The following MEIKIN variants were observed in gnomAD, a reference collection of about 807,000 sequenced individuals.
MEIKIN encodes meiotic kinetochore factor.
chr5:131,881,642 C>G (rs528976940), intron 8 of MEIKIN, among the ~76,000 whole-genome samples: 1 of 152,046 alleles, frequency 6.6e-6, no homozygotes, highest in African/African-American at 2.4e-5. Context: ...AGCTAATAAG[C>G]CTTTCAGTTT....
chr5:131,898,540 TA>T (rs1163884154), intron 8 of MEIKIN, among the ~76,000 whole-genome samples: 1 of 152,228 alleles, frequency 6.6e-6, no homozygotes, highest in Non-Finnish European at 1.5e-5. Flanking sequence ...AGGTGGAGTC[TA>T]TAGACGCAGT....
chr5:131,816,761 TAGAA>T (rs778984657), intron 12 of MEIKIN, among the ~76,000 whole-genome samples: 2 of 152,332 alleles, frequency 1.3e-5, no homozygotes, highest in South Asian at 2.1e-4. Flanking sequence ...GAGATAGAGA[TAGAA>T]AGAAGTCAAT....
chr5:131,856,781 G>T (rs902129070), intron 9 of MEIKIN, among the ~76,000 whole-genome samples: 1 of 151,060 alleles, frequency 6.6e-6, no homozygotes, highest in Non-Finnish European at 1.5e-5. Flanking sequence ...TCTTAGATTT[G>T]TTAAAATATA....
chr5:131,887,041 C>G (rs1042565416), intron 8 of MEIKIN, among the ~76,000 whole-genome samples: 1 of 145,764 alleles, frequency 6.9e-6, no homozygotes, highest in Non-Finnish European at 1.5e-5. Flanking sequence ...TCCAAGTGTT[C>G]TCATTGTTCA....
At chr5:131,813,147 C>T (rs940006169) in intron 12 of MEIKIN, among the ~76,000 whole-genome samples, 9 of 152,182 alleles carry the variant, frequency 5.9e-5, no homozygotes, top group African/African-American at 2.2e-4. Flanking sequence ...CCCACCCTGG[C>T]TACATTACCT....
intron 8 of MEIKIN, among the ~76,000 whole-genome samples, chr5:131,896,293 C>T (rs189107086): frequency 1.9e-4 from 29 of 152,220 alleles, no homozygotes; most frequent in African/African-American, 6.3e-4. Flanking sequence ...CTGAGGAGTG[C>T]TTTACTTCCA....
chr5:131,850,017 C>T (rs780221141), intron 11 of MEIKIN, among the ~76,000 whole-genome samples: 1 of 149,852 alleles, frequency 6.7e-6, no homozygotes, highest in South Asian at 2.1e-4. Context: ...AATTTCTACA[C>T]ACTAACATAA....
intron 9 of MEIKIN, among the ~76,000 whole-genome samples, chr5:131,873,555 C>T: frequency 6.6e-6 from 1 of 152,132 alleles, no homozygotes; most frequent in East Asian, 1.9e-4. Flanking sequence ...TAATGGGAGA[C>T]TTTAACACCC....
chr5:131,836,464 A>G (rs747760719), intron 11 of MEIKIN, among the ~76,000 whole-genome samples: 7 of 152,218 alleles, frequency 4.6e-5, no homozygotes, highest in Non-Finnish European at 1.0e-4. Context: ...CTGTTCAAGA[A>G]ATTGCCATAA....
rs186671373 is a variant in MEIKIN, at chr5:131,850,477, A to G, written c.975+787T>C. Among the ~76,000 whole-genome samples, 3 of 152,350 alleles carry G rather than the reference A, an allele frequency of 2.0e-5. No individual in the cohort carries two copies. The East Asian group carries it at 5.8e-4, about 29-fold the overall frequency. On this transcript the variant is annotated intron_variant, in intron 11 of 12. Coordinates refer to ENST00000442687, the MANE Select transcript of MEIKIN (RefSeq NM_001303622.2). The stretch of plus-strand genomic sequence containing the variant: ...AAAGCCATATGGTACTAACATAAAG[A>G]CAGACATATAGATCAATGGAATAGA...
chr5:131,860,754 CTT>C (rs35117395), intron 9 of MEIKIN, among the ~76,000 whole-genome samples: 9 of 50,978 alleles, frequency 1.8e-4, no homozygotes, highest in Non-Finnish European at 2.2e-4. Flanking sequence ...GCCTGTTTGG[CTT>C]TTTTTTTTTT....
chr5:131,871,392 G>A (rs761251513), intron 9 of MEIKIN, among the ~76,000 whole-genome samples: 8 of 152,172 alleles, frequency 5.3e-5, no homozygotes, highest in Non-Finnish European at 1.2e-4. Context: ...CCAGAGTCTC[G>A]CTCATTGCTA....
chr5:131,838,284 T>C (rs2149609843), intron 11 of MEIKIN, among the ~76,000 whole-genome samples: 1 of 152,306 alleles, frequency 6.6e-6, no homozygotes, highest in South Asian at 2.1e-4. Flanking sequence ...TTTGCATCAA[T>C]GTTCATCAAG....
intron 8 of MEIKIN, among the ~76,000 whole-genome samples, chr5:131,885,349 G>GAGAGAGAGAGAGAGAA (rs1750766566): frequency 3.5e-4 from 1 of 2,896 alleles, no homozygotes; most frequent in Non-Finnish European, 1.1e-3. Context: ...GAAAGAGAGA[G>GAGAGAGAGAGAGAGAA]AGAGAGAGAG....
intron 9 of MEIKIN, among the ~76,000 whole-genome samples, chr5:131,868,747 T>C (rs1362401057): frequency 1.3e-5 from 2 of 151,982 alleles, no homozygotes; most frequent in African/African-American, 4.8e-5. Context: ...TTGCCCAGGC[T>C]TGTCTCAAAT....
chr5:131,926,455 T>C (rs1209057749), intron 5 of MEIKIN, among the ~76,000 whole-genome samples: 1 of 152,166 alleles, frequency 6.6e-6, no homozygotes, highest in Non-Finnish European at 1.5e-5. Flanking sequence ...TTGTTGAGGA[T>C]TTTTACATCT....
chr5:131,866,262 T>C (rs2149621985), intron 9 of MEIKIN, among the ~76,000 whole-genome samples: 1 of 152,328 alleles, frequency 6.6e-6, no homozygotes, highest in Non-Finnish European at 1.5e-5. Context: ...TGATTGAGCC[T>C]GATCTCAGAC....
intron 11 of MEIKIN, among the ~76,000 whole-genome samples, chr5:131,841,011 T>G (rs542002975): frequency 6.6e-6 from 1 of 152,330 alleles, no homozygotes; most frequent in South Asian, 2.1e-4. Context: ...TTGCTGTTCT[T>G]CAGATTTTTT....
chr5:131,842,776 C>A (rs1353531007), intron 11 of MEIKIN, among the ~76,000 whole-genome samples: 1 of 152,166 alleles, frequency 6.6e-6, no homozygotes, highest in Non-Finnish European at 1.5e-5. Context: ...TTTTACTCCA[C>A]CCTTCCACAT....
Sources: gnomAD v4.1 joint callset for allele counts (sites outside exome capture counted in the v4.1 genomes callset) on GRCh38, gnomAD v4.1.1 for gene constraint, MANE v1.5 for transcripts, NCBI Gene and HGNC (gene_info 2026-07-23, HGNC 2026-07-21) for gene names.